The following CCDC197 variants were observed in gnomAD, a reference collection of about 807,000 sequenced individuals.
The protein encoded by CCDC197 is coiled-coil domain containing 197, also known as uncharacterized protein CCDC197.
Under a neutral mutation model 13.4 loss-of-function variants are expected in CCDC197, and 24 were observed. The observed-to-expected ratio is 1.80, with a 90% CI of 1.30 to 2.53. The LOEUF (loss-of-function observed/expected upper bound fraction) is 2.53. Among genes scored for constraint, CCDC197 ranks in the 30% most tolerant of loss-of-function variants. CCDC197 has a pLI of 0.00. For synonymous variants in CCDC197, 99 were observed against 55.5 expected, an observed-to-expected ratio of 1.78 and a Z score of -3.48; for missense variants, 255 against 148.8, an observed-to-expected ratio of 1.71 and a Z score of -3.71.
upstream of CCDC197, among the ~76,000 whole-genome samples, chr14:93,992,351 C>T (rs1386386160): frequency 3.3e-5 from 5 of 152,274 alleles, no homozygotes; most frequent in South Asian, 1.0e-3. Flanking sequence ...CACAGCCTTG[C>T]CGGGCCAACC....
chr14:94,005,857 T>C (rs1223047713), intron 6 of CCDC197, among the ~76,000 whole-genome samples: 1 of 152,234 alleles, frequency 6.6e-6, no homozygotes, highest in Non-Finnish European at 1.5e-5. Context: ...TAGTCCATGG[T>C]ATGGGCGTAT....
chr14:93,989,171 C>T (rs1890164563), intron 1 of CCDC197, among the ~76,000 whole-genome samples: 1 of 152,074 alleles, frequency 6.6e-6, no homozygotes, highest in Admixed American at 6.5e-5. Context: ...GCCAGAGTTA[C>T]TGAGATGCTT....
upstream of CCDC197, among the ~76,000 whole-genome samples, chr14:93,995,927 C>T (rs2141344422): frequency 6.6e-6 from 1 of 152,342 alleles, no homozygotes; most frequent in Non-Finnish European, 1.5e-5. Flanking sequence ...CCACTCCCAC[C>T]CTGATCGCCC....
chr14:94,000,564 G>T (rs7156903), intron 3 of CCDC197, among the ~76,000 whole-genome samples: 70,157 of 151,774 alleles, frequency 0.46, 17,668 homozygotes, highest in East Asian at 0.97. Flanking sequence ...CCATAGGGCT[G>T]CGAGGTGGGT....
At chr14:93,999,860 C>T (rs1321328644) in intron 3 of CCDC197, among the ~76,000 whole-genome samples, 195 bp downstream of exon 3, 1 of 152,174 alleles carries the variant, frequency 6.6e-6, no homozygotes, top group Non-Finnish European at 1.5e-5. Flanking sequence ...ACTCCAGCTC[C>T]ACTGTCGCTA....
intron 5 of CCDC197, 35 bp from the exon 6 acceptor site, chr14:94,004,820 C>T (rs986045031): frequency 5.7e-6 from 4 of 699,296 alleles, no homozygotes; most frequent in Non-Finnish European, 1.0e-5. Flanking sequence ...TGGGAGAGAG[C>T]CTGAGCCACC....
At chr14:94,008,523 T>C in intron 6 of CCDC197, 86 bp from the exon 7 acceptor site, 2 of 662,686 alleles carry the variant, frequency 3.0e-6, no homozygotes, top group Non-Finnish European at 5.6e-6. Flanking sequence ...GAGAAGTAGG[T>C]CAGCCTTTGA....
At chr14:94,010,404 A>G (rs113151503), downstream of CCDC197, among the ~76,000 whole-genome samples, 17,348 of 152,202 alleles carry the variant, frequency 0.11, 1,091 homozygotes, top group Middle Eastern at 0.2. Context: ...GGGTTTCACC[A>G]TGTTGGCCAG....
upstream of CCDC197, among the ~76,000 whole-genome samples, chr14:93,995,914 A>T (rs757682741): frequency 2.0e-5 from 3 of 152,172 alleles, no homozygotes; most frequent in Non-Finnish European, 2.9e-5. Flanking sequence ...GCCACGGTCC[A>T]AACCACTCCC....
At position 94,007,732 on chromosome 14, in the gene CCDC197, C is replaced by G. The variant is rs1890724204; in HGVS notation, c.616-877C>G. On this transcript the variant is annotated intron_variant, in intron 6 of 6. Transcript: ENST00000636493. ...ACTCTCCTGTCTTCTACCTTTAGCA[C>G]TGACTTCATCCTAAGTCAGAACTTG... is the stretch of plus-strand genomic sequence containing the variant. Among the ~76,000 whole-genome samples the G allele has an allele frequency of 2.0e-5, 3 of 152,216 alleles. No homozygotes were observed. In the South Asian group the frequency reaches 6.2e-4, roughly 32 times the overall value.
intron 6 of CCDC197, among the ~76,000 whole-genome samples, chr14:94,006,768 T>G (rs1270977769): frequency 6.6e-6 from 1 of 152,244 alleles, no homozygotes; most frequent in Non-Finnish European, 1.5e-5. Context: ...ATCTTTTTAC[T>G]ATCTTGATGA....
At chr14:93,995,519 T>C (rs1008198348), upstream of CCDC197, among the ~76,000 whole-genome samples, 2 of 152,182 alleles carry the variant, frequency 1.3e-5, no homozygotes, top group African/African-American at 4.8e-5. Flanking sequence ...GTTGCTCAGC[T>C]GTCCCGATTC....
rs572214536 is a variant in CCDC197, at chr14:94,002,216, G to A, written c.366+893G>A. 3.0e-4 allele frequency among the ~76,000 whole-genome samples: 45 copies of A among 152,186 alleles called. 2 individuals are homozygous for A. In the South Asian group the frequency reaches 8.9e-3, roughly 30 times the overall value. The stretch of plus-strand genomic sequence containing the variant: ...GCGGGGCCACGGGGGTATGTCCTGC[G>A]TCTGTCTTTCTCTCTCTCTTTCTTT... On this transcript the variant is annotated intron_variant, in intron 4 of 6. Coordinates refer to ENST00000636493, the MANE Select transcript of CCDC197 (RefSeq NM_001351596.2).
At chr14:93,995,411 C>T (rs1037344146), upstream of CCDC197, among the ~76,000 whole-genome samples, 2 of 152,172 alleles carry the variant, frequency 1.3e-5, no homozygotes, top group African/African-American at 4.8e-5. Context: ...CAGAATGGTA[C>T]CCTGGACCTA....
At chr14:94,002,352 G>C (rs1474609474) in intron 4 of CCDC197, among the ~76,000 whole-genome samples, 1 of 151,794 alleles carries the variant, frequency 6.6e-6, no homozygotes, top group Non-Finnish European at 1.5e-5. Context: ...ACAGTGGAGT[G>C]ATCTCGGCTT....
rs183663704 is a variant in CCDC197, at chr14:93,988,355, A to G, written c.-107+959A>G. Among the ~76,000 whole-genome samples the G allele has an allele frequency of 2.8e-4, 17 of 60,490 alleles. No homozygotes were observed. In the East Asian group the frequency reaches 6.5e-3, roughly 23 times the overall value. 39.7% of individuals were successfully genotyped at this position (60,490 alleles called of 152,430 possible). On this transcript the variant is annotated intron_variant, in intron 1 of 7. Transcript: ENST00000640978. Reference sequence around the variant, plus strand: ...AAGGGAGGAGCAGATGGGAGGAGGGAGAGGAGGGCATGGGAGAGAGGACAA... The same window carrying G: ...AAGGGAGGAGCAGATGGGAGGAGGGGGAGGAGGGCATGGGAGAGAGGACAA...
chr14:94,010,189 G>GTATT (rs1555433070), downstream of CCDC197, among the ~76,000 whole-genome samples: 1 of 150,986 alleles, frequency 6.6e-6, no homozygotes, highest in Non-Finnish European at 1.5e-5. Flanking sequence ...ATATTTTGGG[G>GTATT]TGTTTGTTTG....
rs147368415 is a variant in CCDC197, at chr14:94,004,669, C to T, written c.499-186C>T. Among the ~76,000 whole-genome samples, 858 of 152,272 alleles carry T rather than the reference C, an allele frequency of 5.6e-3. 11 individuals are homozygous for T. The highest frequency in any genetic ancestry group is 0.02 in the African/African-American group (817 of 41,532). On this transcript the variant is annotated intron_variant, in intron 5 of 6. Transcript: ENST00000636493. ...CTGCCTCTTTGCAGAGGAGGCTGCT[C>T]AGGCTCTGACGTAGGGAGGAACTCA...
intron 1 of CCDC197, among the ~76,000 whole-genome samples, chr14:93,992,068 C>T (rs182124289): frequency 7.2e-5 from 11 of 152,308 alleles, no homozygotes; most frequent in South Asian, 2.1e-4. Context: ...TCAGCCATGG[C>T]GGGCGGATTG....
Sources: allele counts gnomAD v4.1 joint callset (sites outside exome capture counted in the v4.1 genomes callset), GRCh38; gene constraint gnomAD v4.1.1; transcripts MANE v1.5; gene names NCBI Gene and HGNC (gene_info 2026-07-23, HGNC 2026-07-21).